The following CAMTA1 variants were observed in gnomAD, a reference collection of about 807,000 sequenced individuals.
CAMTA1 encodes the protein calmodulin-binding transcription activator 1.
In CAMTA1, 27 loss-of-function variants were observed where a neutral mutation model predicts 170.9. The observed-to-expected ratio is 0.16, with a 90% CI of 0.12 to 0.22. The LOEUF (loss-of-function observed/expected upper bound fraction) is 0.22, where lower values mean the gene tolerates loss of function less well. Among genes scored for constraint, CAMTA1 ranks in the 10% least tolerant of loss-of-function variants. CAMTA1 has a pLI of 1.00. For synonymous variants in CAMTA1, 833 were observed against 891.5 expected (o/e 0.93, Z 1.17); for missense variants, 1,619 against 2,217.2 (o/e 0.73, Z 5.42).
chr1:7,492,443 C>T (rs2093718764), intron 6 of CAMTA1, among the ~76,000 whole-genome samples: 1 of 152,170 alleles, frequency 6.6e-6, no homozygotes, highest in African/African-American at 2.4e-5. Flanking sequence ...CCCCTGCCAC[C>T]AGCCCCCGGG....
chr1:7,018,731 C>T (rs138575238), intron 3 of CAMTA1, among the ~76,000 whole-genome samples: 37 of 152,258 alleles, frequency 2.4e-4, no homozygotes, highest in African/African-American at 8.4e-4. Flanking sequence ...TGTTTATGCT[C>T]GGGGAGTCTA....
At chr1:7,269,414 C>T (rs1044290342) in intron 5 of CAMTA1, among the ~76,000 whole-genome samples, 8 of 152,190 alleles carry the variant, frequency 5.3e-5, no homozygotes, top group African/African-American at 1.9e-4. Context: ...ATAGAAGTCA[C>T]AGTTTTTTGT....
intron 3 of CAMTA1, among the ~76,000 whole-genome samples, chr1:6,926,465 T>G (rs1358027172): frequency 1.4e-5 from 2 of 140,732 alleles, no homozygotes; most frequent in Non-Finnish European, 3.0e-5. Flanking sequence ...TCTTTCTTTC[T>G]TTCTTTCTTT....
chr1:7,334,070 A>C (rs1339049330), intron 5 of CAMTA1, among the ~76,000 whole-genome samples: 1 of 152,222 alleles, frequency 6.6e-6, no homozygotes, highest in Non-Finnish European at 1.5e-5. Context: ...TACATCCCTG[A>C]GAATTTACAG....
At chr1:6,910,947 T>C (rs1679556258) in intron 3 of CAMTA1, among the ~76,000 whole-genome samples, 1 of 152,204 alleles carries the variant, frequency 6.6e-6, no homozygotes, top group South Asian at 2.1e-4. Context: ...GGAGTGGACT[T>C]GCCAGGGAGC....
chr1:6,826,221 A>G (rs189567904), intron 3 of CAMTA1, among the ~76,000 whole-genome samples: 11 of 152,340 alleles, frequency 7.2e-5, no homozygotes, highest in African/African-American at 2.4e-4. Flanking sequence ...TTTCCTTATC[A>G]CAGGTTAGAT....
chr1:7,440,013 G>A (rs1385223409), intron 5 of CAMTA1, among the ~76,000 whole-genome samples: 1 of 152,272 alleles, frequency 6.6e-6, no homozygotes, highest in Non-Finnish European at 1.5e-5. Flanking sequence ...GGCAAGGGAG[G>A]CAGGTGGCTC....
At chr1:6,973,406 A>T (rs1336010643) in intron 3 of CAMTA1, among the ~76,000 whole-genome samples, 2 of 152,176 alleles carry the variant, frequency 1.3e-5, no homozygotes, top group African/African-American at 4.8e-5. Flanking sequence ...ATTCTTTCAC[A>T]TAGCATAGTG....
chr1:7,649,786 G>A (rs560204561), intron 7 of CAMTA1, among the ~76,000 whole-genome samples: 74 of 152,300 alleles, frequency 4.9e-4, no homozygotes, highest in African/African-American at 1.6e-3. Context: ...TGTGGAGTGC[G>A]CCCCTGTGCT....
chr1:7,699,854 G>C (rs544426290), intron 11 of CAMTA1, among the ~76,000 whole-genome samples: 1 of 152,180 alleles, frequency 6.6e-6, no homozygotes, highest in South Asian at 2.1e-4. Context: ...CAGATACTTT[G>C]CCCATTTTAA....
At chr1:7,619,581 A>G (rs901266745) in intron 6 of CAMTA1, among the ~76,000 whole-genome samples, 1 of 152,176 alleles carries the variant, frequency 6.6e-6, no homozygotes, top group Non-Finnish European at 1.5e-5. Flanking sequence ...TGGGAGAATA[A>G]TTGGCCAATG....
In CAMTA1 at chr1:7,664,190, ACTC is replaced by A. The variant is rs2095983447; in HGVS notation, c.1651_1653del (p.Ser551del). 6.2e-7 allele frequency: 1 copy of A among 1,612,332 alleles called. No individual in the cohort carries two copies. Among genetic ancestry groups the A allele is most frequent in the Non-Finnish European group, 8.5e-7 (1 of 1,179,914 alleles). On this transcript the variant is annotated inframe_deletion, in exon 9 of 23. Coordinates refer to ENST00000303635, the MANE Select transcript of CAMTA1 (RefSeq NM_015215.4). ...GAGCAGCAGATGGCCAAAGAAGCGT[ACTC>A]CTCCTCCGCGGCGGCTGTGGCAGCC...
intron 16 of CAMTA1, among the ~76,000 whole-genome samples, chr1:7,744,056 T>C (rs1368772862): frequency 1.3e-5 from 2 of 151,774 alleles, no homozygotes; most frequent in East Asian, 3.9e-4. Flanking sequence ...CTTAATCTCC[T>C]GACCTCGTGA....
rs569139576 is a variant in CAMTA1, at chr1:7,286,920, A to C, written c.438+37294A>C. Among the ~76,000 whole-genome samples the C allele has an allele frequency of 6.6e-6, 1 of 152,336 alleles. No individual in the cohort carries two copies. Among genetic ancestry groups the C allele is most frequent in the South Asian group, 2.1e-4 (1 of 4,826 alleles). On this transcript the variant is annotated intron_variant, in intron 5 of 22. Coordinates refer to ENST00000303635, the MANE Select transcript of CAMTA1 (RefSeq NM_015215.4). This position sits in a 1 kb window ranked among gnomAD's most constrained non-coding sequence, Gnocchi z 4.2. Reference sequence around the variant, plus strand: ...TGGAGAGTTTAGCTCAGTGCCTTCCATCGACTTGACACTCAGTAAACAGAA... The same window carrying C: ...TGGAGAGTTTAGCTCAGTGCCTTCCCTCGACTTGACACTCAGTAAACAGAA...
chr1:7,467,132 C>T (rs2093230397), intron 5 of CAMTA1, among the ~76,000 whole-genome samples: 1 of 152,192 alleles, frequency 6.6e-6, no homozygotes, highest in Non-Finnish European at 1.5e-5. Flanking sequence ...GAGAGCCATC[C>T]CGACCCACAG....
At chr1:7,701,371 C>T (rs2096437925) in intron 11 of CAMTA1, among the ~76,000 whole-genome samples, 1 of 152,162 alleles carries the variant, frequency 6.6e-6, no homozygotes, top group Non-Finnish European at 1.5e-5. Context: ...CATCCTGAGA[C>T]CCTCAGCAGG....
At chr1:7,520,120 C>T (rs1171309634) in intron 6 of CAMTA1, among the ~76,000 whole-genome samples, 1 of 145,704 alleles carries the variant, frequency 6.9e-6, no homozygotes. Context: ...ATTTCCAGGG[C>T]TTTGCACTTG....
intron 3 of CAMTA1, among the ~76,000 whole-genome samples, chr1:6,849,978 T>G (rs1055424130): frequency 1.4e-5 from 2 of 144,530 alleles, no homozygotes; most frequent in African/African-American, 5.2e-5. Flanking sequence ...GAGGTTGCAA[T>G]GAGCCGAGAT....
Position 7,685,458 on chromosome 1 carries a change from G to A in CAMTA1, c.2914+7725G>A, listed in dbSNP as rs1261105447. Among the ~76,000 whole-genome samples the A allele has an allele frequency of 6.6e-6, 1 of 152,120 alleles. No individual in the cohort carries two copies. The highest frequency in any genetic ancestry group is 1.5e-5 in the Non-Finnish European group (1 of 68,030). On this transcript the variant is annotated intron_variant, in intron 11 of 22. Coordinates refer to ENST00000303635, the MANE Select transcript of CAMTA1 (RefSeq NM_015215.4). This position sits in a 1 kb window ranked among gnomAD's most constrained non-coding sequence, Gnocchi z 5.7. ...TCCCTGTGGACCCCACGGCCTGATTGTCTTCATTCCACTTGAGGACTCCCA... is the reference window on the plus strand; with the variant it reads ...TCCCTGTGGACCCCACGGCCTGATTATCTTCATTCCACTTGAGGACTCCCA...
Sources: gnomAD v4.1 joint callset for allele counts (sites outside exome capture counted in the v4.1 genomes callset) on GRCh38, gnomAD v4.1.1 for gene constraint, Gnocchi (gnomAD v3.1) non-coding constraint, MANE v1.5 for transcripts, NCBI Gene and HGNC (gene_info 2026-07-23, HGNC 2026-07-21) for gene names.